The following CENPW variants were observed in gnomAD, a reference collection of about 807,000 sequenced individuals.
The protein encoded by CENPW is cancer-up-regulated gene 2 protein.
In CENPW, 3 loss-of-function variants were observed where a neutral mutation model predicts 11.1. The ratio of observed to expected loss-of-function variants is 0.27; its 90% CI spans 0.12 to 0.70. The LOEUF (loss-of-function observed/expected upper bound fraction) is 0.70, where lower values mean the gene tolerates loss of function less well. Ranked by LOEUF, CENPW falls within the 30% of genes least tolerant of loss-of-function variation. The pLI is 0.77. For synonymous variants in CENPW, 38 were observed against 42.0 expected, an observed-to-expected ratio of 0.91 and a Z score of 0.37; for missense variants, 100 against 105.6, an observed-to-expected ratio of 0.95 and a Z score of 0.23.
the CENPW span, among the ~76,000 whole-genome samples, chr6:126,362,649 C>T: frequency 1.4e-4 from 21 of 152,248 alleles, no homozygotes; most frequent in Middle Eastern, 3.4e-3. Flanking sequence ...CAGTTCTGAG[C>T]GCACTAGTAT....
At chr6:126,414,110 A>G in the CENPW span, among the ~76,000 whole-genome samples, 2 of 152,048 alleles carry the variant, frequency 1.3e-5, no homozygotes, top group East Asian at 3.8e-4. Context: ...AAATTCAGGA[A>G]TACAATATAT....
rs191262771 is a variant in CENPW at position 126,347,347 on chromosome 6, C to T, written c.240+1029C>T. ...TTAGAGTTCCCATGTACCCTGTATC[C>T]AGTTTCTCATAATCCTAATGTCTTA... On this transcript the variant is annotated intron_variant, in intron 2 of 2. Coordinates refer to ENST00000368328, the MANE Select transcript of CENPW (RefSeq NM_001012507.4). 1.1e-4 allele frequency among the ~76,000 whole-genome samples: 17 copies of T among 152,222 alleles called. No individual in the cohort carries two copies. In the East Asian group the frequency reaches 3.3e-3, roughly 29 times the overall value.
chr6:126,352,377 A>G (rs1780501859), downstream of CENPW, among the ~76,000 whole-genome samples: 1 of 152,082 alleles, frequency 6.6e-6, no homozygotes, highest in Non-Finnish European at 1.5e-5. Context: ...AGAGGGATTG[A>G]TACTCTAGAG....
At chr6:126,417,212 C>T in the CENPW span, among the ~76,000 whole-genome samples, 23 of 152,162 alleles carry the variant, frequency 1.5e-4, no homozygotes, top group African/African-American at 5.1e-4. Context: ...GGGCCTGTAA[C>T]CCCTTTGTTC....
At chr6:126,375,760 T>C in the CENPW span, among the ~76,000 whole-genome samples, 8 of 152,162 alleles carry the variant, frequency 5.3e-5, no homozygotes, top group Non-Finnish European at 7.3e-5. Context: ...TGCTTTTCTT[T>C]TTTCTCTCAC....
chr6:126,403,226 A>C, the CENPW span, among the ~76,000 whole-genome samples: 2 of 152,128 alleles, frequency 1.3e-5, no homozygotes, highest in African/African-American at 4.8e-5. Flanking sequence ...AGGCCAATTA[A>C]TAACTTTTCA....
the CENPW span, among the ~76,000 whole-genome samples, chr6:126,408,179 A>T: frequency 6.6e-6 from 1 of 152,176 alleles, no homozygotes; most frequent in African/African-American, 2.4e-5. Context: ...CTGGCTAGCC[A>T]TATGCAGAAA....
the CENPW span, among the ~76,000 whole-genome samples, chr6:126,472,370 A>C: frequency 1.3e-5 from 2 of 152,150 alleles, no homozygotes; most frequent in African/African-American, 4.8e-5. Context: ...CTGTAGATGA[A>C]ATTGCATTTT....
At chr6:126,349,929 C>T (rs1780472076), downstream of CENPW, among the ~76,000 whole-genome samples, 1 of 152,048 alleles carries the variant, frequency 6.6e-6, no homozygotes, top group Admixed American at 6.6e-5. Flanking sequence ...TAGCACACTG[C>T]AGCCTCAAAC....
At chr6:126,455,398 G>T in the CENPW span, among the ~76,000 whole-genome samples, 1 of 151,240 alleles carries the variant, frequency 6.6e-6, no homozygotes, top group African/African-American at 2.4e-5. Flanking sequence ...TTACTCTTGT[G>T]ATGCAAAGTG....
chr6:126,374,691 A>C, the CENPW span, among the ~76,000 whole-genome samples: 2 of 152,330 alleles, frequency 1.3e-5, no homozygotes, highest in Admixed American at 1.3e-4. Flanking sequence ...AAAAGTCTAG[A>C]GTGAACTCTT....
chr6:126,452,268 T>C, the CENPW span, among the ~76,000 whole-genome samples: 1 of 151,174 alleles, frequency 6.6e-6, no homozygotes, highest in East Asian at 1.9e-4. Context: ...ATATTTCAAC[T>C]TGCATAGAGA....
At chr6:126,405,160 T>G in the CENPW span, among the ~76,000 whole-genome samples, 1 of 152,124 alleles carries the variant, frequency 6.6e-6, no homozygotes, top group Non-Finnish European at 1.5e-5. Context: ...TGTATTCAAT[T>G]TTGGTTGAGT....
chr6:126,401,681 T>C, the CENPW span, among the ~76,000 whole-genome samples: 1 of 152,018 alleles, frequency 6.6e-6, no homozygotes, highest in African/African-American at 2.4e-5. Context: ...ATAAAGGAGA[T>C]GGATTTGGGG....
chr6:126,448,043 C>T, the CENPW span, among the ~76,000 whole-genome samples: 9 of 151,154 alleles, frequency 6.0e-5, no homozygotes, highest in Non-Finnish European at 1.3e-4. Flanking sequence ...TTTTTATGTT[C>T]ACTATAATTA....
the CENPW span, among the ~76,000 whole-genome samples, chr6:126,364,500 C>T: frequency 1.3e-5 from 2 of 152,126 alleles, no homozygotes; most frequent in South Asian, 4.1e-4. Flanking sequence ...CTCCAGAGAA[C>T]TATCAATATA....
chr6:126,408,031 C>T, the CENPW span, among the ~76,000 whole-genome samples: 1 of 152,112 alleles, frequency 6.6e-6, no homozygotes, highest in African/African-American at 2.4e-5. Flanking sequence ...ATGGTATTTG[C>T]CTAGATTTTC....
chr6:126,355,317 T>A, the CENPW span, among the ~76,000 whole-genome samples: 77 of 152,316 alleles, frequency 5.1e-4, no homozygotes, highest in African/African-American at 1.8e-3. Context: ...AATTTGAATT[T>A]TATTTTCCCA....
the CENPW span, among the ~76,000 whole-genome samples, chr6:126,426,960 T>TA: frequency 4.6e-5 from 7 of 152,196 alleles, no homozygotes; most frequent in Non-Finnish European, 2.9e-5. Context: ...AAACAGTAGA[T>TA]AATCCTTATA....
Sources: allele counts gnomAD v4.1 joint callset (sites outside exome capture counted in the v4.1 genomes callset), GRCh38; gene constraint gnomAD v4.1.1; transcripts MANE v1.5; gene names NCBI Gene and HGNC (gene_info 2026-07-23, HGNC 2026-07-21).